The following LY9 variants were observed in gnomAD, a reference collection of about 807,000 sequenced individuals.
The protein encoded by LY9 is T-lymphocyte surface antigen Ly-9.
LY9 carries 59 observed loss-of-function variants against 64.6 expected under a neutral mutation model. The observed-to-expected ratio is 0.91, with a 90% CI of 0.74 to 1.13. The LOEUF (loss-of-function observed/expected upper bound fraction) is 1.13. Among genes scored for constraint, LY9 ranks in the 50% most tolerant of loss-of-function variants. The pLI, the probability that LY9 is intolerant of heterozygous loss-of-function variation, is 0.00. For synonymous variants in LY9, 281 were observed against 308.5 expected, an observed-to-expected ratio of 0.91 and a Z score of 0.93; for missense variants, 789 against 797.2, an observed-to-expected ratio of 0.99 and a Z score of 0.12.
intron 9 of LY9, 98 bp downstream of exon 9, chr1:160,824,347 GA>G: frequency 2.6e-6 from 4 of 1,558,510 alleles, no homozygotes; most frequent in Non-Finnish European, 3.5e-6. Flanking sequence ...CATGGCTAAG[GA>G]TCTTAAATTC....
Position 160,828,108 on chromosome 1 carries a change from A to C in LY9, c.*292A>C. 1 of 209,000 alleles carries C rather than the reference A, an allele frequency of 4.8e-6. No homozygotes were observed. Among genetic ancestry groups the C allele is most frequent in the Non-Finnish European group, 9.5e-6 (1 of 105,088 alleles). The allele number at this position is 209,000 out of a possible 1,614,324, so 12.9% of individuals were successfully genotyped here. ...TCGAAATTCTACCAAGACTGGTCAAATGTTGCTGAGGGGCCTGGACCAGCT... is the reference window on the plus strand; with the variant it reads ...TCGAAATTCTACCAAGACTGGTCAACTGTTGCTGAGGGGCCTGGACCAGCT... On this transcript the variant is annotated 3_prime_UTR_variant, in exon 10 of 10. Transcript: ENST00000263285.
chr1:160,814,611 C>G lies in LY9; in HGVS notation c.922C>G (p.Pro308Ala). The part of the protein sequence containing the change: ...TADPLIKSRD[P>A]YKNRVWVSSQ... ...AGATCCACTCATTAAATCCAGGGAT[C>G]CTTACAAGAACAGGGTGTGGGTCTC... Residue 308 changes from proline (P) to alanine (A), a missense_variant, in exon 4 of 10, where the codon CCT (proline) becomes GCT (alanine). Transcript: ENST00000263285. 6.8e-6 allele frequency: 11 copies of G among 1,614,142 alleles called. No individual in the cohort carries two copies. Among genetic ancestry groups the G allele is most frequent in the Non-Finnish European group, 9.3e-6 (11 of 1,180,024 alleles).
chr1:160,817,538 A>C (rs920827180), intron 5 of LY9, among the ~76,000 whole-genome samples: 4 of 152,230 alleles, frequency 2.6e-5, no homozygotes, highest in Admixed American at 2.6e-4. Flanking sequence ...ACAGGAACAA[A>C]GGCTGCGTGA....
At chr1:160,799,598 G>A (rs1666244947) in intron 1 of LY9, 155 bp from the exon 2 acceptor site, 3 of 602,246 alleles carry the variant, frequency 5.0e-6, no homozygotes, top group Non-Finnish European at 8.8e-6. Flanking sequence ...ATTAATGACT[G>A]TGCTAGGCAA....
intron 5 of LY9, among the ~76,000 whole-genome samples, chr1:160,817,268 G>A (rs573739828): frequency 6.6e-5 from 10 of 152,254 alleles, no homozygotes; most frequent in Non-Finnish European, 1.3e-4. Flanking sequence ...TTCAGACTTC[G>A]TAAAATTTAC....
chr1:160,818,226 A>G lies in LY9; in HGVS notation c.1351A>G (p.Arg451Gly). The part of the protein sequence containing the change: ...LSENICSGPE[R>G]NTKLWIGLFL... ...TCATTTCCTCCTCAAAGGACCTGAG[A>G]GAAACACAAAGCTTTGGATTGGGTT... The change falls in exon 6 of 10, where the codon AGA (arginine) becomes GGA (glycine). Residue 451 changes from arginine to glycine, a missense_variant. By Grantham distance (125) the Arg-to-Gly change is moderately radical (BLOSUM62 -2). Coordinates refer to ENST00000263285, the MANE Select transcript of LY9 (RefSeq NM_002348.4). 6.2e-7 allele frequency: 1 copy of G among 1,612,414 alleles called. No individual in the cohort carries two copies. The highest frequency in any genetic ancestry group is 1.7e-4 in the Middle Eastern group (1 of 6,054).
intron 2 of LY9, among the ~76,000 whole-genome samples, chr1:160,809,361 T>TAC (rs1667279627): frequency 8.2e-5 from 12 of 147,232 alleles, no homozygotes; most frequent in Non-Finnish European, 1.5e-4. Flanking sequence ...ATTATTATTA[T>TAC]TACTACTACT....
intron 8 of LY9, among the ~76,000 whole-genome samples, 171 bp from the exon 9 acceptor site, chr1:160,824,010 A>C (rs1668690215): frequency 1.3e-5 from 2 of 152,208 alleles, no homozygotes; most frequent in Non-Finnish European, 2.9e-5. Context: ...TGGGCCACTA[A>C]TAAGGAAGGT....
intron 2 of LY9, chr1:160,801,845 C>T: frequency 6.2e-7 from 1 of 1,614,220 alleles, no homozygotes; most frequent in Non-Finnish European, 8.5e-7. Flanking sequence ...ACCGCACACT[C>T]CTGGAGGGCA....
At chr1:160,800,103 G>A (rs1274383221) in intron 2 of LY9, 21 bp downstream of exon 2, 6 of 1,571,528 alleles carry the variant, frequency 3.8e-6, no homozygotes, top group Non-Finnish European at 5.2e-6. Context: ...GAGAGCTTCT[G>A]TGTTTTGATC....
intron 1 of LY9, among the ~76,000 whole-genome samples, chr1:160,798,294 A>C (rs1454455049): frequency 6.6e-6 from 1 of 152,150 alleles, no homozygotes; most frequent in East Asian, 1.9e-4. Flanking sequence ...TCCCTACTCC[A>C]GGGGCATCAT....
Position 160,823,770 on chromosome 1 carries a change from A to G in LY9, c.1804A>G (p.Met602Val), listed in dbSNP as rs509749. Residue 602 changes from methionine to valine, a missense_variant, in exon 8 of 10, where the codon ATG becomes GTG. Transcript: ENST00000263285. ...EVESVVGENT[M>V]YAQVFNLQGK... ...TGAGTCTGTGGTTGGAGAGAACACC[A>G]TGTATGCACAAGTGTTCAACTTACA... 763,520 of 1,612,540 alleles carry G rather than the reference A, an allele frequency of 0.47. 190,105 individuals carry two copies. The highest frequency in any genetic ancestry group is 0.75 in the African/African-American group (56,495 of 74,912).
intron 2 of LY9, among the ~76,000 whole-genome samples, chr1:160,807,427 G>A (rs927610372): frequency 5.9e-5 from 9 of 152,168 alleles, no homozygotes; most frequent in Admixed American, 3.9e-4. Context: ...AATGTCAAGT[G>A]GGCCAGTCAT....
intron 2 of LY9, among the ~76,000 whole-genome samples, chr1:160,808,708 T>A (rs946804769): frequency 6.6e-6 from 1 of 152,358 alleles, no homozygotes; most frequent in East Asian, 1.9e-4. Flanking sequence ...AATTCCAGCA[T>A]TCTCCCTTGG....
intron 9 of LY9, among the ~76,000 whole-genome samples, chr1:160,827,352 G>C (rs1345535259): frequency 6.6e-6 from 1 of 152,164 alleles, no homozygotes; most frequent in Non-Finnish European, 1.5e-5. Context: ...GGGACTAATG[G>C]TCTGGACCAT....
Position 160,827,890 on chromosome 1 carries a change from G to T in LY9, c.*74G>T, listed in dbSNP as rs2101848149. 8.1e-7 allele frequency: 1 copy of T among 1,232,682 alleles called. No homozygotes were observed. Among genetic ancestry groups the T allele is most frequent in the Non-Finnish European group, 1.2e-6 (1 of 859,816 alleles). The allele number at this position is 1,232,682 out of a possible 1,614,324, so 76.4% of individuals were successfully genotyped here. A position where few individuals can be genotyped will look rare whatever the true frequency, so the allele number is the denominator to read the frequency against. The stretch of plus-strand genomic sequence containing the variant: ...TCAGCTGGACCTCATGGGGCCTGGG[G>T]CTCACAGACAGAAGCACCTCAGAAT... On this transcript the variant is annotated 3_prime_UTR_variant, in exon 10 of 10. Transcript: ENST00000263285.
chr1:160,814,861 A>G (rs1667819199), intron 4 of LY9, 100 bp downstream of exon 4: 2 of 949,282 alleles, frequency 2.1e-6, no homozygotes, highest in Admixed American at 4.6e-5. Context: ...GTCTTCCCTC[A>G]TACTGAAATG....
intron 2 of LY9, chr1:160,810,884 A>C (rs1469283150): frequency 2.0e-5 from 3 of 152,250 alleles, no homozygotes; most frequent in African/African-American, 7.2e-5. Flanking sequence ...ATGGTGGAAC[A>C]GGTATGGAAT....
At chr1:160,802,711 A>C in intron 2 of LY9, 2 of 932,436 alleles carry the variant, frequency 2.1e-6, no homozygotes, top group Non-Finnish European at 2.6e-6. Flanking sequence ...AAAATAAATA[A>C]ATAAATAAAT....
Sources: allele counts gnomAD v4.1 joint callset (sites outside exome capture counted in the v4.1 genomes callset), GRCh38; gene constraint gnomAD v4.1.1; transcripts MANE v1.5; gene names NCBI Gene and HGNC (gene_info 2026-07-23, HGNC 2026-07-21).